CAST: variants seen among roughly 807,000 people sequenced by gnomAD.
The protein encoded by CAST is calpastatin.
CAST carries 76 observed loss-of-function variants against 119.6 expected under a neutral mutation model. The observed-to-expected ratio is 0.64, with a 90% CI of 0.53 to 0.77. The LOEUF (loss-of-function observed/expected upper bound fraction) is 0.77, where lower values mean the gene tolerates loss of function less well. Among genes scored for constraint, CAST ranks in the 30% least tolerant of loss-of-function variants. The pLI is 0.00. For missense variants in CAST, 953 were observed against 946.5 expected (o/e 1.01, Z -0.09); for synonymous variants, 319 against 331.6 (o/e 0.96, Z 0.41).
chr5:96,639,305 G>A (rs981060408), intron 1 of CAST, among the ~76,000 whole-genome samples: 3 of 152,282 alleles, frequency 2.0e-5, no homozygotes, highest in Middle Eastern at 3.4e-3. Context: ...AGTGCTGTAG[G>A]ATTCCAAGAT....
At chr5:96,771,751 A>G in intron 31 of CAST, 49 bp downstream of exon 31, 3 of 1,163,688 alleles carry the variant, frequency 2.6e-6, no homozygotes, top group Non-Finnish European at 3.9e-6. Flanking sequence ...TCTTCTGCCA[A>G]TTTATGTGTT....
At chr5:96,196,916 G>A in the CAST span, among the ~76,000 whole-genome samples, 2 of 152,198 alleles carry the variant, frequency 1.3e-5, no homozygotes, top group Non-Finnish European at 2.9e-5. Flanking sequence ...TCAGTCTAGG[G>A]ATGATGACTG....
At chr5:96,517,346 T>C in the CAST span, among the ~76,000 whole-genome samples, 1 of 152,218 alleles carries the variant, frequency 6.6e-6, no homozygotes, top group Non-Finnish European at 1.5e-5. Flanking sequence ...TGGAAAGAAG[T>C]AGATTTGTGT....
the CAST span, among the ~76,000 whole-genome samples, chr5:96,242,485 GT>G: frequency 6.6e-6 from 1 of 152,130 alleles, no homozygotes; most frequent in African/African-American, 2.4e-5. Flanking sequence ...AGCCAAAGAA[GT>G]GTGTTTGCTC....
At chr5:96,448,524 T>C in the CAST span, among the ~76,000 whole-genome samples, 2 of 152,242 alleles carry the variant, frequency 1.3e-5, no homozygotes, top group African/African-American at 2.4e-5. Context: ...TTGACTGTTA[T>C]AGCTTTACAT....
At chr5:96,743,081 A>C (rs1456465262) in intron 16 of CAST, among the ~76,000 whole-genome samples, 1 of 152,240 alleles carries the variant, frequency 6.6e-6, no homozygotes. Context: ...TTGTATTTTC[A>C]GAAGGGTTCT....
At chr5:96,524,454 A>C (rs1745567525), upstream of CAST, among the ~76,000 whole-genome samples, 1 of 152,238 alleles carries the variant, frequency 6.6e-6, no homozygotes. Flanking sequence ...TGAAGGGGTC[A>C]GGGACTCAGC....
chr5:96,158,454 T>A, the CAST span, among the ~76,000 whole-genome samples: 3 of 152,228 alleles, frequency 2.0e-5, no homozygotes, highest in African/African-American at 7.2e-5. Flanking sequence ...TCATTTGCTT[T>A]CAGAACCAGA....
At position 96,650,728 on chromosome 5, in the gene CAST, TTGTGTGTG is replaced by T. The variant is rs34230121; in HGVS notation, c.61-24779_61-24772del. On this transcript the variant is annotated intron_variant, in intron 1 of 11. Transcript: ENST00000505143. Reference sequence around the variant, plus strand: ...GTCTCCCTACCTCTTACCCACTTAATTGTGTGTGTGTGTGTGTGTGTGTGTGTGTGTGT... The same window carrying T: ...GTCTCCCTACCTCTTACCCACTTAATTGTGTGTGTGTGTGTGTGTGTGTGT... Among the ~76,000 whole-genome samples, 302 of 142,162 alleles carry T rather than the reference TTGTGTGTG, an allele frequency of 2.1e-3. 2 individuals carry two copies. Among genetic ancestry groups the T allele is most frequent in the African/African-American group, 7.1e-3 (272 of 38,128 alleles). The allele number at this position is 142,162 out of a possible 152,430, so 93.3% of individuals were successfully genotyped here.
chr5:96,530,283 C>A (rs1745668620), intron 1 of CAST, among the ~76,000 whole-genome samples: 1 of 151,726 alleles, frequency 6.6e-6, no homozygotes, highest in Admixed American at 6.6e-5. Context: ...GGATGAGAAG[C>A]CATGCAAATA....
At chr5:96,544,840 C>G (rs74985327) in intron 1 of CAST, among the ~76,000 whole-genome samples, 1 of 136,410 alleles carries the variant, frequency 7.3e-6, no homozygotes, top group African/African-American at 2.7e-5. Flanking sequence ...AAAAAAAAAA[C>G]ACAACTATAT....
intron 1 of CAST, among the ~76,000 whole-genome samples, chr5:96,546,724 C>T (rs894772829): frequency 2.6e-5 from 4 of 152,162 alleles, no homozygotes; most frequent in African/African-American, 9.7e-5. Context: ...AAGAAGCACA[C>T]TCAAATCCGG....
At chr5:96,605,225 C>G (rs904354563) in intron 1 of CAST, among the ~76,000 whole-genome samples, 1 of 152,186 alleles carries the variant, frequency 6.6e-6, no homozygotes, top group Non-Finnish European at 1.5e-5. Context: ...AATTAAAAGC[C>G]TAAGCCCCTT....
the CAST span, among the ~76,000 whole-genome samples, chr5:96,271,264 T>C: frequency 1.3e-5 from 2 of 152,178 alleles, no homozygotes; most frequent in Non-Finnish European, 2.9e-5. Context: ...AAAATGTATA[T>C]GGAACCACAT....
At chr5:96,522,894 CG>C (rs1745540289), upstream of CAST, among the ~76,000 whole-genome samples, 2 of 152,176 alleles carry the variant, frequency 1.3e-5, no homozygotes, top group South Asian at 4.1e-4. Context: ...AAGGGAGAGT[CG>C]GGCACCCAAG....
intron 1 of CAST, among the ~76,000 whole-genome samples, chr5:96,553,955 G>C (rs758939063): frequency 5.9e-5 from 9 of 152,168 alleles, no homozygotes; most frequent in African/African-American, 1.9e-4. Context: ...GGAAGAATCA[G>C]TATTGTAAAA....
chr5:96,664,211 G>C (rs1237069174), intron 1 of CAST, among the ~76,000 whole-genome samples: 3 of 151,460 alleles, frequency 2.0e-5, no homozygotes, highest in Non-Finnish European at 4.4e-5. Context: ...CCCACAAGTA[G>C]TGTTTTTTTT....
intron 1 of CAST, among the ~76,000 whole-genome samples, chr5:96,634,877 G>A (rs145966069): frequency 1.3e-5 from 2 of 152,280 alleles, no homozygotes; most frequent in East Asian, 3.9e-4. Flanking sequence ...GTGCGATTTG[G>A]GAGATTCAGA....
chr5:96,329,454 A>G, the CAST span, among the ~76,000 whole-genome samples: 8 of 152,340 alleles, frequency 5.3e-5, no homozygotes, highest in South Asian at 1.0e-3. Context: ...GTCAATCAAC[A>G]GGAGCCCTGC....
Sources: allele counts gnomAD v4.1 joint callset (sites outside exome capture counted in the v4.1 genomes callset), GRCh38; gene constraint gnomAD v4.1.1; transcripts MANE v1.5; gene names NCBI Gene and HGNC (gene_info 2026-07-23, HGNC 2026-07-21).